TACC2: variants seen among roughly 807,000 people sequenced by gnomAD.
TACC2 encodes the protein transforming acidic coiled-coil-containing protein 2.
TACC2 carries 137 observed loss-of-function variants against 227.3 expected under a neutral mutation model. The ratio of observed to expected loss-of-function variants is 0.60; its 90% CI spans 0.52 to 0.69. The LOEUF is 0.69. Among genes scored for constraint, TACC2 ranks in the 30% least tolerant of loss-of-function variants. The pLI, the probability that TACC2 is intolerant of heterozygous loss-of-function variation, is 0.00. For missense variants in TACC2, 3,470 were observed against 3,694.4 expected (o/e 0.94, Z 1.57); for synonymous variants, 1,523 against 1,487.5 (o/e 1.02, Z -0.55).
At chr10:122,062,025 CTTTTTTTTTTTTTT>C (rs140523380) in intron 3 of TACC2, among the ~76,000 whole-genome samples, 2 of 63,970 alleles carry the variant, frequency 3.1e-5, no homozygotes, top group African/African-American at 6.3e-5. Context: ...GTCAGAGCGG[CTTTTTTTTTTTTTT>C]TTTTTTTTTT....
chr10:122,203,718 C>T (rs1357758470), intron 8 of TACC2, among the ~76,000 whole-genome samples: 2 of 151,808 alleles, frequency 1.3e-5, no homozygotes, highest in Non-Finnish European at 2.9e-5. Context: ...AGTCGATGGG[C>T]GGCCAGGCAG....
chr10:122,132,044 GAAAGAAAGAAAGAAAGAAAGAA>G (rs202015000), intron 5 of TACC2, among the ~76,000 whole-genome samples: 256 of 1,490 alleles, frequency 0.17, 6 homozygotes, highest in East Asian at 0.48. Context: ...AAGAAAGAAA[GAAAGAAAGAAAGAAAGAAAGAA>G]AAAGAAAGAA....
rs2095232997 is a variant in TACC2 at position 122,209,414 on chromosome 10, A to G, written c.5972-983A>G. Reference sequence around the variant, plus strand: ...CAGGATTTCTCTGTCTTCCTGTCCCACTCTTGACCCTTGCTTTAGCCACAC... The same window carrying G: ...CAGGATTTCTCTGTCTTCCTGTCCCGCTCTTGACCCTTGCTTTAGCCACAC... On this transcript the variant is annotated intron_variant, in intron 8 of 22. Transcript: ENST00000369005. The surrounding 1 kb of genome is among the most constrained non-coding windows in gnomAD (Gnocchi z 4.5). Among the ~76,000 whole-genome samples, 2 of 151,756 alleles carry G rather than the reference A, an allele frequency of 1.3e-5. No homozygotes were observed. The highest frequency in any genetic ancestry group is 2.1e-4 in the South Asian group (1 of 4,780).
At chr10:122,131,201 A>C (rs1209718913) in intron 5 of TACC2, among the ~76,000 whole-genome samples, 1 of 131,678 alleles carries the variant, frequency 7.6e-6, no homozygotes, top group Non-Finnish European at 1.6e-5. Flanking sequence ...AAAAAAAAAA[A>C]TCTGACTCTT....
In TACC2 at chr10:121,989,285, C is replaced by A. The variant is rs1261940059; in HGVS notation, c.-249C>A. 1 of 152,232 alleles carries A rather than the reference C, an allele frequency of 6.6e-6. No homozygotes were observed. The highest frequency in any genetic ancestry group is 2.4e-5 in the African/African-American group (1 of 41,450). 9.4% of individuals were successfully genotyped at this position (152,232 alleles called of 1,614,324 possible). A position where few individuals can be genotyped will look rare whatever the true frequency, so the allele number is the denominator to read the frequency against. On this transcript the variant is annotated 5_prime_UTR_variant, in exon 1 of 23. Coordinates refer to ENST00000369005, the MANE Select transcript of TACC2 (RefSeq NM_206862.4). ...AGTGCACTGGGATTTCTCAAGTCAC[C>A]CGCTTGGTCCTCTTCCAAGTATACT...
chr10:122,101,831 C>T lies in TACC2; in HGVS notation c.5573+13240C>T, dbSNP rs1002811632. ...TTGTGATCTGCCTGCCTTGGCCTCC[C>T]GAAGTGCTGGGATTACAGGCGTGAG... On this transcript the variant is annotated intron_variant, in intron 5 of 22. Transcript: ENST00000369005. Among the ~76,000 whole-genome samples, 6 of 149,736 alleles carry T rather than the reference C, an allele frequency of 4.0e-5. No homozygotes were observed. The Admixed American group carries it at 4.0e-4, about 10-fold the overall frequency.
intron 3 of TACC2, among the ~76,000 whole-genome samples, chr10:122,056,238 G>A (rs886662946): frequency 6.6e-6 from 1 of 152,136 alleles, no homozygotes; most frequent in Non-Finnish European, 1.5e-5. Flanking sequence ...GTAATGGTGC[G>A]ATCTCAGCTC....
intron 2 of TACC2, among the ~76,000 whole-genome samples, chr10:122,046,718 T>G (rs1482990056): frequency 6.6e-6 from 1 of 152,130 alleles, no homozygotes; most frequent in African/African-American, 2.4e-5. Flanking sequence ...TTGTCTTCTT[T>G]CCAGAATTAA....
intron 1 of TACC2, among the ~76,000 whole-genome samples, chr10:122,005,698 CT>C (rs79459877): frequency 8.5e-3 from 569 of 66,552 alleles, no homozygotes; most frequent in African/African-American, 0.011. Flanking sequence ...TTTTTTTTTT[CT>C]TTTTTTTTTT....
Position 122,119,267 on chromosome 10 carries a change from C to G in TACC2, c.5574-13342C>G, listed in dbSNP as rs1403300175. 3.3e-5 allele frequency among the ~76,000 whole-genome samples: 5 copies of G among 152,254 alleles called. No individual in the cohort carries two copies. The East Asian group carries it at 9.6e-4, about 29-fold the overall frequency. On this transcript the variant is annotated intron_variant, in intron 5 of 22. Coordinates refer to ENST00000369005, the MANE Select transcript of TACC2 (RefSeq NM_206862.4). ...TTTTACAGGTTCAGAAACTGAAGCT[C>G]AAAGAGGTTAATGAACTTGCCTAGG...
At position 122,083,328 on chromosome 10, in the gene TACC2, G is replaced by T; in HGVS notation, c.828G>T (p.Pro276=). 1 of 1,613,968 alleles carries T rather than the reference G, an allele frequency of 6.2e-7. No homozygotes were observed. The highest frequency in any genetic ancestry group is 1.1e-5 in the South Asian group (1 of 91,076). ...AGTCCCCCCTAAAACCCATGGCCCCGATCCCACAAGATCCAGCCCCAAGAG... is the reference window on the plus strand; with the variant it reads ...AGTCCCCCCTAAAACCCATGGCCCCTATCCCACAAGATCCAGCCCCAAGAG... The part of the protein sequence containing the change: ...LEKSPLKPMA[P]IPQDPAPRAS... Residue 276 remains proline (P), a synonymous_variant, in exon 4 of 23, where the codon CCG becomes CCT. Coordinates refer to ENST00000369005, the MANE Select transcript of TACC2 (RefSeq NM_206862.4).
intron 3 of TACC2, among the ~76,000 whole-genome samples, chr10:122,077,039 C>G (rs976942608): frequency 1.3e-5 from 2 of 148,706 alleles, no homozygotes; most frequent in Non-Finnish European, 3.0e-5. Context: ...TGCCTGAACC[C>G]AGGAGGCGGA....
At chr10:122,108,093 A>G (rs1244048213) in intron 5 of TACC2, among the ~76,000 whole-genome samples, 1 of 151,000 alleles carries the variant, frequency 6.6e-6, no homozygotes, top group African/African-American at 2.4e-5. Flanking sequence ...GGGTTTCACC[A>G]TGTTAGCCAG....
chr10:122,131,759 T>G (rs1010558478), intron 5 of TACC2, among the ~76,000 whole-genome samples: 3 of 152,098 alleles, frequency 2.0e-5, no homozygotes, highest in Non-Finnish European at 4.4e-5. Flanking sequence ...TGGTGGCTCA[T>G]GCCTGTAATC....
At chr10:122,167,179 G>A (rs1313172657) in intron 7 of TACC2, among the ~76,000 whole-genome samples, 1 of 152,310 alleles carries the variant, frequency 6.6e-6, no homozygotes, top group African/African-American at 2.4e-5. Context: ...GGCCTGCCCC[G>A]ACTGTTGCCC....
At position 121,989,277 on chromosome 10, in the gene TACC2, CAA is replaced by C. The variant is rs1484717218; in HGVS notation, c.-256_-255del. 1 of 152,262 alleles carries C rather than the reference CAA, an allele frequency of 6.6e-6. No homozygotes were observed. The highest frequency in any genetic ancestry group is 1.5e-5 in the Non-Finnish European group (1 of 68,054). The allele number at this position is 152,262 out of a possible 1,614,324, so 9.4% of individuals were successfully genotyped here. ...GGTTGTACAGTGCACTGGGATTTCT[CAA>C]GTCACCCGCTTGGTCCTCTTCCAAG... is the stretch of plus-strand genomic sequence containing the variant. On this transcript the variant is annotated 5_prime_UTR_variant, in exon 1 of 23. Transcript: ENST00000369005.
intron 3 of TACC2, among the ~76,000 whole-genome samples, chr10:122,080,386 C>T (rs188865604): frequency 1.8e-4 from 27 of 152,116 alleles, no homozygotes; most frequent in Admixed American, 5.9e-4. Flanking sequence ...GTGTGCACCA[C>T]CATGCCCAGT....
At chr10:122,200,141 G>T (rs1323574430) in intron 8 of TACC2, among the ~76,000 whole-genome samples, 1 of 152,248 alleles carries the variant, frequency 6.6e-6, no homozygotes, top group South Asian at 2.1e-4. Flanking sequence ...CAATGTGAGT[G>T]TTTCATGGGC....
intron 16 of TACC2, among the ~76,000 whole-genome samples, chr10:122,233,070 G>T (rs534963556): frequency 6.6e-6 from 1 of 152,328 alleles, no homozygotes; most frequent in South Asian, 2.1e-4. Context: ...AGCTGAGTCA[G>T]CCTTGCAGGA....
Sources: gnomAD v4.1 joint callset for allele counts (sites outside exome capture counted in the v4.1 genomes callset) on GRCh38, gnomAD v4.1.1 for gene constraint, Gnocchi (gnomAD v3.1) non-coding constraint, MANE v1.5 for transcripts, NCBI Gene and HGNC (gene_info 2026-07-23, HGNC 2026-07-21) for gene names.